EGFR: variants seen among roughly 807,000 people sequenced by gnomAD.
The protein encoded by EGFR is avian erythroblastic leukemia viral (v-erb-b) oncogene homolog.
A neutral mutation model predicts 143.0 loss-of-function variants in EGFR; 58 were observed. That is an observed-to-expected ratio of 0.41 (90% CI 0.33 to 0.50). EGFR has a LOEUF of 0.50. Ranked by LOEUF, EGFR falls within the 20% of genes least tolerant of loss-of-function variation. The pLI, the probability that EGFR is intolerant of heterozygous loss-of-function variation, is 0.39. For missense variants in EGFR, 1,307 were observed against 1,579.0 expected, an observed-to-expected ratio of 0.83 and a Z score of 2.92; for synonymous variants, 613 against 594.4, an observed-to-expected ratio of 1.03 and a Z score of -0.45.
At chr7:55,046,114 T>C (rs901772199) in intron 1 of EGFR, among the ~76,000 whole-genome samples, 5 of 152,204 alleles carry the variant, frequency 3.3e-5, no homozygotes, top group African/African-American at 1.2e-4. Context: ...TACATTTCTA[T>C]TGGACAGCAG....
chr7:55,168,115 C>T (rs1786160521), intron 15 of EGFR, among the ~76,000 whole-genome samples: 1 of 152,182 alleles, frequency 6.6e-6, no homozygotes, highest in African/African-American at 2.4e-5. Context: ...GGTATACCAA[C>T]ATGCCAGCTC....
At position 55,181,305 on chromosome 7, in the gene EGFR, A is replaced by T. The variant is rs1323967615; in HGVS notation, c.2296A>T (p.Met766Leu). ...TCCCTCCCTCCAGGAAGCCTACGTG[A>T]TGGCCAGCGTGGACAACCCCCACGT... ...NKEILDEAYV[M>L]ASVDNPHVCR... is the part of the protein sequence containing the mutation. Residue 766 changes from methionine to leucine, a missense_variant, in exon 20 of 28, where the codon ATG becomes TTG. By Grantham distance (15) the Met-to-Leu change is conservative (BLOSUM62 2). Transcript: ENST00000275493. The T allele has an allele frequency of 6.2e-7, 1 of 1,614,158 alleles. No homozygotes were observed. Among genetic ancestry groups the T allele is most frequent in the East Asian group, 2.2e-5 (1 of 44,872 alleles).
At chr7:55,189,767 C>T (rs533440025) in intron 20 of EGFR, among the ~76,000 whole-genome samples, 4 of 152,032 alleles carry the variant, frequency 2.6e-5, no homozygotes, top group East Asian at 1.9e-4. Flanking sequence ...ATGTGAAGAA[C>T]GAACAGGGTA....
At chr7:55,156,394 T>C in intron 8 of EGFR, 139 bp from the exon 9 acceptor site, 1 of 1,252,894 alleles carries the variant, frequency 8.0e-7, no homozygotes, top group Non-Finnish European at 1.2e-6. Context: ...CTTCAGTGTT[T>C]GTTGAGTGAA....
intron 1 of EGFR, among the ~76,000 whole-genome samples, chr7:55,024,252 A>G (rs1786753385): frequency 6.6e-6 from 1 of 152,214 alleles, no homozygotes; most frequent in African/African-American, 2.4e-5. Context: ...CCTGAAGTTC[A>G]GTATCAAATG....
At chr7:55,060,338 C>T (rs537309257) in intron 1 of EGFR, among the ~76,000 whole-genome samples, 84 of 152,286 alleles carry the variant, frequency 5.5e-4, no homozygotes, top group African/African-American at 1.9e-3. Flanking sequence ...TACATAATTA[C>T]GTTTCCCTTC....
At chr7:55,048,545 A>G (rs935341687) in intron 1 of EGFR, among the ~76,000 whole-genome samples, 3 of 152,198 alleles carry the variant, frequency 2.0e-5, no homozygotes, top group Admixed American at 1.3e-4. Context: ...ACAGTAGCCA[A>G]TTGAATATAT....
intron 1 of EGFR, among the ~76,000 whole-genome samples, chr7:55,133,128 G>A (rs1253034159): frequency 6.6e-6 from 1 of 152,220 alleles, no homozygotes; most frequent in African/African-American, 2.4e-5. Context: ...GTGTGGACTG[G>A]GTGAGACAGC....
Position 55,019,414 on chromosome 7 carries a change from G to C in EGFR, c.88+49G>C, listed in dbSNP as rs1488971002. 4.0e-6 allele frequency: 5 copies of C among 1,252,726 alleles called. No homozygotes were observed. The African/African-American group carries it at 7.9e-5, about 20-fold the overall frequency. The allele number at this position is 1,252,726 out of a possible 1,614,324, so 77.6% of individuals were successfully genotyped here. ...CCGCGCCGCCCCCGGATCGCGCCCC[G>C]GACCCCGCAGCCCGCCCAACCGCGC... is the stretch of plus-strand genomic sequence containing the variant. On this transcript the variant is annotated intron_variant, in intron 1 of 27. Transcript: ENST00000275493.
intron 1 of EGFR, among the ~76,000 whole-genome samples, chr7:55,030,412 G>T (rs1787183073): frequency 6.6e-6 from 1 of 152,128 alleles, no homozygotes; most frequent in Non-Finnish European, 1.5e-5. Context: ...TTAGACTCAA[G>T]TCTCTTCTGT....
chr7:55,020,689 G>C (rs1181077457), intron 1 of EGFR, among the ~76,000 whole-genome samples: 1 of 151,910 alleles, frequency 6.6e-6, no homozygotes, highest in Non-Finnish European at 1.5e-5. Context: ...ACTTGACAGG[G>C]GAAACATGCC....
intron 27 of EGFR, among the ~76,000 whole-genome samples, chr7:55,204,429 C>T (rs1788013614): frequency 6.7e-6 from 1 of 150,240 alleles, no homozygotes; most frequent in African/African-American, 2.4e-5. Context: ...CATATGTACA[C>T]ATGTACACAC....
chr7:55,098,245 G>A (rs989236639), intron 1 of EGFR, among the ~76,000 whole-genome samples: 9 of 152,146 alleles, frequency 5.9e-5, no homozygotes, highest in African/African-American at 1.9e-4. Context: ...AACCTAAATA[G>A]CCTGTGTTTC....
intron 1 of EGFR, among the ~76,000 whole-genome samples, chr7:55,068,082 G>C (rs1789619371): frequency 6.6e-6 from 1 of 151,476 alleles, no homozygotes; most frequent in Admixed American, 6.6e-5. Context: ...ACGTGTGTGT[G>C]TGTGCACAGG....
Position 55,095,711 on chromosome 7 carries a change from G to T in EGFR, c.89-46575G>T, listed in dbSNP as rs537453856. ...CAGACACACGCACACAGCACACAGAGATACACACAGACACACACACACACA... is the reference window on the plus strand; with the variant it reads ...CAGACACACGCACACAGCACACAGATATACACACAGACACACACACACACA... On this transcript the variant is annotated intron_variant, in intron 1 of 27. Transcript: ENST00000275493. 8.0e-4 allele frequency among the ~76,000 whole-genome samples: 71 copies of T among 89,012 alleles called. 1 individual carries two copies. Among genetic ancestry groups the T allele is most frequent in the African/African-American group, 3.1e-3 (64 of 20,674 alleles). The allele number at this position is 89,012 out of a possible 152,430, so 58.4% of individuals were successfully genotyped here.
chr7:55,178,410 C>G (rs924586275), intron 19 of EGFR, among the ~76,000 whole-genome samples: 1 of 152,228 alleles, frequency 6.6e-6, no homozygotes, highest in Non-Finnish European at 1.5e-5. Context: ...CGTCTAAAGT[C>G]TGTTAACTGG....
intron 1 of EGFR, among the ~76,000 whole-genome samples, chr7:55,047,644 G>T (rs561565986): frequency 6.6e-6 from 1 of 152,298 alleles, no homozygotes; most frequent in South Asian, 2.1e-4. Context: ...CCAGCTAGTT[G>T]AGGGGCTGAG....
chr7:55,191,836 G>A lies in EGFR; in HGVS notation c.2587G>A (p.Gly863Ser), dbSNP rs2128964656. Residue 863 changes from glycine to serine, a missense_variant, in exon 21 of 28, where the codon GGT becomes AGT. Gly to Ser is a moderately conservative substitution (Grantham distance 56). Around this residue, in one of 7 missense-constraint regions of EGFR, gnomAD observed 348 missense variants for 451.5 expected, o/e 0.77. Transcript: ENST00000275493. Reference protein sequence around the residue: ...ITDFGLAKLLGAEEKEYHAEG... With the variant: ...ITDFGLAKLLSAEEKEYHAEG... ...AGATTTTGGGCTGGCCAAACTGCTG[G>A]GTGCGGAAGAGAAAGAATACCATGC... The A allele has an allele frequency of 6.2e-7, 1 of 1,614,030 alleles. No homozygotes were observed. The highest frequency in any genetic ancestry group is 8.5e-7 in the Non-Finnish European group (1 of 1,180,024).
chr7:55,150,153 T>G (rs1457821560), intron 4 of EGFR, among the ~76,000 whole-genome samples: 1 of 152,248 alleles, frequency 6.6e-6, no homozygotes, highest in Non-Finnish European at 1.5e-5. Context: ...ATATTTTTAT[T>G]TTATACAATG....
Sources: gnomAD v4.1 joint callset for allele counts (sites outside exome capture counted in the v4.1 genomes callset) on GRCh38, gnomAD v4.1.1 for gene constraint, gnomAD v4.1.1 regional missense constraint, MANE v1.5 for transcripts, NCBI Gene and HGNC (gene_info 2026-07-23, HGNC 2026-07-21) for gene names.